MED26: variants seen among roughly 807,000 people sequenced by gnomAD.
MED26 encodes the protein mediator of RNA polymerase II transcription subunit 26.
A neutral mutation model predicts 43.7 loss-of-function variants in MED26; 7 were observed. The observed-to-expected ratio is 0.16, with a 90% confidence interval of 0.09 to 0.30. The LOEUF (loss-of-function observed/expected upper bound fraction) is 0.30. Ranked by LOEUF, MED26 falls within the 10% of genes least tolerant of loss-of-function variation. The pLI is 1.00. For missense variants in MED26, 784 were observed against 840.6 expected, an observed-to-expected ratio of 0.93 and a Z score of 0.83; for synonymous variants, 375 against 371.1, an observed-to-expected ratio of 1.01 and a Z score of -0.12.
At position 16,618,875 on chromosome 19, in the gene MED26, G is replaced by A. The variant is rs3786600; in HGVS notation, c.72+8997C>T. ...AACGTTTGGTGGGGCTTCCAGCAAA[G>A]AGTCGGGAGTTCGGTGAGGGAAAAT... On this transcript the variant is annotated intron_variant, in intron 1 of 2. Transcript: ENST00000263390. 2.0e-5 allele frequency among the ~76,000 whole-genome samples: 3 copies of A among 152,240 alleles called. No individual in the cohort carries two copies. The East Asian group carries it at 5.8e-4, about 29-fold the overall frequency.
At chr19:16,578,189 G>A (rs1339577724) in intron 2 of MED26, 146 bp downstream of exon 2, 2 of 777,530 alleles carry the variant, frequency 2.6e-6, no homozygotes, top group South Asian at 1.5e-5. Context: ...GCAAGATCGC[G>A]AGGCACGAGC....
At chr19:16,609,941 TAAAAAAAAAAAAA>T (rs869040520) in intron 1 of MED26, among the ~76,000 whole-genome samples, 4 of 84,670 alleles carry the variant, frequency 4.7e-5, no homozygotes, top group Admixed American at 1.4e-4. Context: ...AAGCACTCTT[TAAAAAAAAAAAAA>T]AAAAAAAAAA....
chr19:16,598,603 T>C (rs958157681), intron 1 of MED26, among the ~76,000 whole-genome samples: 1 of 152,100 alleles, frequency 6.6e-6, no homozygotes, highest in Non-Finnish European at 1.5e-5. Flanking sequence ...TCCACTGCTT[T>C]TGCTACAGTT....
At chr19:16,602,904 G>A (rs1460513128) in intron 1 of MED26, among the ~76,000 whole-genome samples, 2 of 152,188 alleles carry the variant, frequency 1.3e-5, no homozygotes, top group African/African-American at 4.8e-5. Flanking sequence ...GAGACAGATG[G>A]TGATCATGAC....
At chr19:16,581,818 G>A (rs1009785011) in intron 1 of MED26, among the ~76,000 whole-genome samples, 30 of 152,250 alleles carry the variant, frequency 2.0e-4, no homozygotes, top group African/African-American at 3.9e-4. Flanking sequence ...ACGCTTAAGC[G>A]TGTGCAGAGA....
At chr19:16,616,511 G>C (rs892908341) in intron 1 of MED26, among the ~76,000 whole-genome samples, 2 of 152,188 alleles carry the variant, frequency 1.3e-5, no homozygotes, top group Admixed American at 1.3e-4. Flanking sequence ...TAGACCCCCT[G>C]GAGGTCCAGC....
At chr19:16,584,000 G>C (rs1452002889) in intron 1 of MED26, among the ~76,000 whole-genome samples, 1 of 152,138 alleles carries the variant, frequency 6.6e-6, no homozygotes, top group African/African-American at 2.4e-5. Flanking sequence ...AGGAACACAC[G>C]CATGGGGGCA....
intron 1 of MED26, among the ~76,000 whole-genome samples, chr19:16,607,050 T>C (rs2086176791): frequency 6.6e-6 from 1 of 151,680 alleles, no homozygotes; most frequent in East Asian, 1.9e-4. Context: ...CCTGGAAAAA[T>C]AAGAACGTTG....
chr19:16,627,915 T>C lies in MED26; in HGVS notation c.29A>G (p.Gln10Arg). 1 of 1,496,584 alleles carries C rather than the reference T, an allele frequency of 6.7e-7. No homozygotes were observed. The highest frequency in any genetic ancestry group is 8.9e-7 in the Non-Finnish European group (1 of 1,121,406). The allele number at this position is 1,496,584 out of a possible 1,614,324, so 92.7% of individuals were successfully genotyped here. A position where few individuals can be genotyped will look rare whatever the true frequency, so the allele number is the denominator to read the frequency against. The change falls in exon 1 of 3, where the codon CAG becomes CGG. Residue 10 changes from glutamine (Q) to arginine (R), a missense_variant. Transcript: ENST00000263390. The stretch of plus-strand genomic sequence containing the variant: ...GGCCTGCAGCAGCCGGTCCCTGATC[T>C]GCTGCGGAGACGCCGGAGCCGCTGT... MTAAPASPQQIRDRLLQAID... is the reference protein window; with the variant it reads MTAAPASPQRIRDRLLQAID...
Position 16,628,174 on chromosome 19 carries a change from G to A in MED26, c.-231C>T, listed in dbSNP as rs2086293519. The A allele has an allele frequency of 8.4e-6, 3 of 355,928 alleles. No homozygotes were observed. The highest frequency in any genetic ancestry group is 4.3e-5 in the East Asian group (1 of 23,174). The allele number at this position is 355,928 out of a possible 1,614,324, so 22.0% of individuals were successfully genotyped here. On this transcript the variant is annotated 5_prime_UTR_variant, in exon 1 of 3. Coordinates refer to ENST00000263390, the MANE Select transcript of MED26 (RefSeq NM_004831.5). ...GGAGCCGCCGGAGCCGCCGCCGCTC[G>A]CTGCCGCCGCCTCGAGAACCAAACT... is the stretch of plus-strand genomic sequence containing the variant.
At chr19:16,608,723 T>C (rs2086185360) in intron 1 of MED26, among the ~76,000 whole-genome samples, 1 of 152,246 alleles carries the variant, frequency 6.6e-6, no homozygotes, top group Admixed American at 6.5e-5. Flanking sequence ...ACTCACATAC[T>C]GTCTCTGGCT....
chr19:16,607,766 G>T (rs1378547862), intron 1 of MED26, among the ~76,000 whole-genome samples: 2 of 152,196 alleles, frequency 1.3e-5, no homozygotes, highest in African/African-American at 4.8e-5. Context: ...ATCAGTGTTA[G>T]TGTATTTTAT....
At chr19:16,614,257 C>T (rs941041190) in intron 1 of MED26, among the ~76,000 whole-genome samples, 4 of 152,144 alleles carry the variant, frequency 2.6e-5, no homozygotes, top group Admixed American at 1.3e-4. Context: ...GCCCGGCGCA[C>T]GGTCTCACAC....
At chr19:16,624,700 CA>C (rs2086266190) in intron 1 of MED26, 1 of 152,214 alleles carries the variant, frequency 6.6e-6, no homozygotes, top group African/African-American at 2.4e-5. Context: ...TTCCACTCTC[CA>C]AAGTTCTGCA....
intron 1 of MED26, among the ~76,000 whole-genome samples, chr19:16,582,572 C>A (rs1005224991): frequency 1.3e-5 from 2 of 152,198 alleles, no homozygotes; most frequent in African/African-American, 4.8e-5. Context: ...GTCTCCCACT[C>A]TCATGGAGGT....
chr19:16,606,558 AAAAAT>A (rs1194018081), intron 1 of MED26, among the ~76,000 whole-genome samples: 1 of 152,234 alleles, frequency 6.6e-6, no homozygotes, highest in African/African-American at 2.4e-5. Context: ...CAAAAAAAAT[AAAAAT>A]AAAATAAAAA....
At chr19:16,603,247 A>G (rs1283677994) in intron 1 of MED26, among the ~76,000 whole-genome samples, 1 of 152,198 alleles carries the variant, frequency 6.6e-6, no homozygotes, top group Non-Finnish European at 1.5e-5. Flanking sequence ...AAACCTCCTG[A>G]GGCTGTGGAG....
At chr19:16,582,936 A>G (rs2122387563) in intron 1 of MED26, among the ~76,000 whole-genome samples, 1 of 152,240 alleles carries the variant, frequency 6.6e-6, no homozygotes, top group Middle Eastern at 3.4e-3. Flanking sequence ...CTCCTTCACA[A>G]CCTGTCTTCT....
At chr19:16,621,141 C>G (rs766058993) in intron 1 of MED26, among the ~76,000 whole-genome samples, 2 of 152,320 alleles carry the variant, frequency 1.3e-5, no homozygotes, top group East Asian at 1.9e-4. Flanking sequence ...ATGTGGGAAG[C>G]GGAAGACTGT....
Sources: allele counts gnomAD v4.1 joint callset (sites outside exome capture counted in the v4.1 genomes callset), GRCh38; gene constraint gnomAD v4.1.1; transcripts MANE v1.5; gene names NCBI Gene and HGNC (gene_info 2026-07-23, HGNC 2026-07-21).